UTRN: variants seen among roughly 807,000 people sequenced by gnomAD.
The protein encoded by UTRN is utrophin, also known as dystrophin-related protein 1.
In UTRN, 283 loss-of-function variants were observed where a neutral mutation model predicts 463.9. That is an observed-to-expected ratio of 0.61 (90% CI 0.55 to 0.67). UTRN has a LOEUF of 0.67. UTRN is among the 30% of genes least tolerant of loss of function. The probability of loss-of-function intolerance (pLI) is 0.00; values close to 1 mark genes in which losing one functional copy is unlikely to be tolerated. For synonymous variants in UTRN, 1,442 were observed against 1,431.5 expected, an observed-to-expected ratio of 1.01 and a Z score of -0.17; for missense variants, 3,922 against 4,084.3, an observed-to-expected ratio of 0.96 and a Z score of 1.08.
At chr6:144,578,813 T>C (rs1801693054) in intron 51 of UTRN, among the ~76,000 whole-genome samples, 1 of 152,250 alleles carries the variant, frequency 6.6e-6, no homozygotes, top group Admixed American at 6.5e-5. Flanking sequence ...ATTGAAACCT[T>C]TTTTAAATCC....
At chr6:144,688,349 T>G (rs1782963520) in intron 52 of UTRN, among the ~76,000 whole-genome samples, 1 of 152,220 alleles carries the variant, frequency 6.6e-6, no homozygotes, top group Non-Finnish European at 1.5e-5. Context: ...GTCATCCTTT[T>G]GTATTCTTTA....
intron 64 of UTRN, chr6:144,799,608 G>A (rs1388237888): frequency 2.4e-6 from 1 of 419,660 alleles, no homozygotes; most frequent in Non-Finnish European, 5.0e-6. Flanking sequence ...TAATTCAAAT[G>A]AGAGATGTAG....
intron 2 of UTRN, among the ~76,000 whole-genome samples, chr6:144,392,673 G>T (rs1024184567): frequency 3.9e-5 from 6 of 152,042 alleles, no homozygotes; most frequent in African/African-American, 1.4e-4. Flanking sequence ...TGTTATACTG[G>T]CTTGGCACAA....
intron 54 of UTRN, among the ~76,000 whole-genome samples, chr6:144,737,277 G>C (rs933377199): frequency 1.3e-5 from 2 of 152,200 alleles, no homozygotes; most frequent in African/African-American, 4.8e-5. Context: ...GTATGAACTT[G>C]ATGTCCGGTG....
chr6:144,395,170 T>C (rs989287192), intron 2 of UTRN, among the ~76,000 whole-genome samples: 9 of 152,320 alleles, frequency 5.9e-5, no homozygotes, highest in African/African-American at 1.9e-4. Flanking sequence ...AAATGTTTTC[T>C]GTTGGCTTTT....
chr6:144,574,659 C>A (rs1455766273), intron 50 of UTRN, among the ~76,000 whole-genome samples: 1 of 152,170 alleles, frequency 6.6e-6, no homozygotes, highest in African/African-American at 2.4e-5. Flanking sequence ...TGGCTCACTG[C>A]AACCTCTGCC....
At chr6:144,336,158 C>T (rs1455021324) in intron 2 of UTRN, among the ~76,000 whole-genome samples, 2 of 152,152 alleles carry the variant, frequency 1.3e-5, no homozygotes, top group Non-Finnish European at 2.9e-5. Flanking sequence ...GAGATGCCTA[C>T]AGGTGTGTCT....
Position 144,490,110 on chromosome 6 carries a change from G to A in UTRN, c.4174G>A (p.Glu1392Lys), listed in dbSNP as rs1792911406. 1.2e-6 allele frequency: 2 copies of A among 1,613,538 alleles called. No homozygotes were observed. The highest frequency in any genetic ancestry group is 1.7e-6 in the Non-Finnish European group (2 of 1,179,824). ...AEISAHELTL[E>K]ELRRNMRSQP... ...GATCTCAGCCCATGAGCTAACCCTA[G>A]AGGAGTTGAGAAGAAATATGCGTTC... Residue 1392 changes from glutamate (E) to lysine (K), a missense_variant, in exon 31 of 75, where the codon GAG becomes AAG. Physicochemically the swap from Glu to Lys is moderately conservative, Grantham distance 56 (BLOSUM62 1). Coordinates refer to ENST00000367545, the MANE Select transcript of UTRN (RefSeq NM_007124.3).
At chr6:144,788,408 T>C (rs1208264406) in intron 61 of UTRN, among the ~76,000 whole-genome samples, 2 of 152,186 alleles carry the variant, frequency 1.3e-5, no homozygotes, top group Non-Finnish European at 2.9e-5. Flanking sequence ...TTGTAAGCTC[T>C]TAGTATATAG....
intron 51 of UTRN, among the ~76,000 whole-genome samples, chr6:144,580,214 G>T (rs1181083519): frequency 8.4e-6 from 1 of 119,466 alleles, no homozygotes; most frequent in African/African-American, 3.9e-5. Flanking sequence ...TGGTGGCATG[G>T]TGGTGGCAGT....
intron 9 of UTRN, among the ~76,000 whole-genome samples, chr6:144,433,057 CA>C (rs1375336835): frequency 6.6e-6 from 1 of 152,212 alleles, no homozygotes; most frequent in African/African-American, 2.4e-5. Context: ...TAGTACAGAA[CA>C]AAATGAAAAG....
intron 2 of UTRN, among the ~76,000 whole-genome samples, chr6:144,299,333 CT>C (rs1805029643): frequency 6.6e-6 from 1 of 152,158 alleles, no homozygotes; most frequent in Non-Finnish European, 1.5e-5. Flanking sequence ...TGAAAATGAT[CT>C]GCATTTTAGA....
chr6:144,462,559 T>TA (rs1789529991), intron 22 of UTRN, 95 bp from the exon 23 acceptor site: 2 of 1,211,986 alleles, frequency 1.7e-6, no homozygotes, highest in Non-Finnish European at 2.3e-6. Context: ...TTCTAATGCA[T>TA]TTTAAAGTGA....
chr6:144,613,926 C>CT (rs1185968037), intron 51 of UTRN, among the ~76,000 whole-genome samples: 18 of 151,980 alleles, frequency 1.2e-4, no homozygotes, highest in Admixed American at 1.2e-3. Context: ...TTTCAAAACA[C>CT]TATTTTATTT....
chr6:144,403,491 T>G lies in UTRN; in HGVS notation c.141+307T>G, dbSNP rs138320328. Among the ~76,000 whole-genome samples the G allele has an allele frequency of 2.2e-3, 331 of 152,168 alleles. 1 individual carries two copies. The highest frequency in any genetic ancestry group is 7.6e-3 in the African/African-American group (317 of 41,514). Reference sequence around the variant, plus strand: ...GGAAAAGAATATATCATTGGGAAAATTTTTGAGTTCTCTTGGTTAAGAGGA... The same window carrying G: ...GGAAAAGAATATATCATTGGGAAAAGTTTTGAGTTCTCTTGGTTAAGAGGA... On this transcript the variant is annotated intron_variant, in intron 3 of 74. Coordinates refer to ENST00000367545, the MANE Select transcript of UTRN (RefSeq NM_007124.3).
chr6:144,639,608 TATC>T (rs1777554054), intron 51 of UTRN, among the ~76,000 whole-genome samples: 1 of 152,248 alleles, frequency 6.6e-6, no homozygotes, highest in African/African-American at 2.4e-5. Context: ...GAAATTTAGG[TATC>T]ATTCTTGAAT....
intron 2 of UTRN, among the ~76,000 whole-genome samples, chr6:144,315,950 TTC>T (rs1775259636): frequency 6.6e-6 from 1 of 152,172 alleles, no homozygotes; most frequent in Non-Finnish European, 1.5e-5. Context: ...GACAGGACTG[TTC>T]CCTGTACACT....
chr6:144,650,119 G>C (rs1472369998), intron 51 of UTRN, among the ~76,000 whole-genome samples: 1 of 152,212 alleles, frequency 6.6e-6, no homozygotes, highest in East Asian at 1.9e-4. Flanking sequence ...GCAGGCAAGA[G>C]AGCTTGTGCA....
At chr6:144,467,246 C>G (rs1314045463) in intron 23 of UTRN, among the ~76,000 whole-genome samples, 2 of 152,234 alleles carry the variant, frequency 1.3e-5, no homozygotes, top group African/African-American at 2.4e-5. Flanking sequence ...CCTGTCTGCT[C>G]ATCTGTCTTC....
Sources: allele counts gnomAD v4.1 joint callset (sites outside exome capture counted in the v4.1 genomes callset), GRCh38; gene constraint gnomAD v4.1.1; transcripts MANE v1.5; gene names NCBI Gene and HGNC (gene_info 2026-07-23, HGNC 2026-07-21).